GALNTL6: variants seen among roughly 807,000 people sequenced by gnomAD.
GALNTL6 encodes polypeptide N-acetylgalactosaminyltransferase-like 6.
Under a neutral mutation model 73.7 loss-of-function variants are expected in GALNTL6, and 46 were observed. That is an observed-to-expected ratio of 0.62 (90% CI 0.49 to 0.80). The LOEUF is 0.80. Ranked by LOEUF, GALNTL6 falls within the 30% of genes least tolerant of loss-of-function variation. GALNTL6 has a pLI of 0.00. For missense variants in GALNTL6, 604 were observed against 755.0 expected (o/e 0.80, Z 2.34); for synonymous variants, 259 against 263.7 (o/e 0.98, Z 0.17).
At chr4:172,236,491 C>CA (rs1243903428) in intron 3 of GALNTL6, among the ~76,000 whole-genome samples, 1 of 148,034 alleles carries the variant, frequency 6.8e-6, no homozygotes, top group African/African-American at 2.5e-5. Flanking sequence ...ACCCGGGAGG[C>CA]AGGGCTTGCA....
At chr4:172,686,147 C>T (rs1040545444) in intron 5 of GALNTL6, among the ~76,000 whole-genome samples, 12 of 152,148 alleles carry the variant, frequency 7.9e-5, no homozygotes, top group African/African-American at 2.4e-4. Context: ...GAATTCATCA[C>T]GCCTTGTGCT....
At position 171,890,956 on chromosome 4, in the gene GALNTL6, G is replaced by C. The variant is rs959872580; in HGVS notation, c.138+76238G>C. ...TACTGCTAAATAACTTCATGTTGTCGTCATTACAATAAAGGTCACATTCTG... is the reference window on the plus strand; with the variant it reads ...TACTGCTAAATAACTTCATGTTGTCCTCATTACAATAAAGGTCACATTCTG... On this transcript the variant is annotated intron_variant, in intron 2 of 12. Coordinates refer to ENST00000506823, the MANE Select transcript of GALNTL6 (RefSeq NM_001034845.3). 3.9e-5 allele frequency among the ~76,000 whole-genome samples: 6 copies of C among 152,102 alleles called. No homozygotes were observed. In the East Asian group the frequency reaches 1.2e-3, roughly 29 times the overall value.
intron 5 of GALNTL6, among the ~76,000 whole-genome samples, chr4:172,627,672 A>G (rs547996481): frequency 6.6e-6 from 1 of 151,838 alleles, no homozygotes; most frequent in Admixed American, 6.6e-5. Flanking sequence ...TATTTATTCA[A>G]TTTTGAAACT....
intron 3 of GALNTL6, among the ~76,000 whole-genome samples, chr4:172,241,104 G>T (rs1043049553): frequency 2.0e-5 from 3 of 152,200 alleles, no homozygotes; most frequent in Admixed American, 2.0e-4. Context: ...CAGGGTGTAA[G>T]TTAGCAAAAT....
intron 5 of GALNTL6, among the ~76,000 whole-genome samples, chr4:172,468,324 A>G (rs1477604995): frequency 2.0e-5 from 3 of 152,152 alleles, no homozygotes; most frequent in African/African-American, 7.2e-5. Flanking sequence ...TAATGCTAGG[A>G]TTTCTGAGTA....
chr4:172,488,587 C>G (rs1411985161), intron 5 of GALNTL6, among the ~76,000 whole-genome samples: 1 of 152,164 alleles, frequency 6.6e-6, no homozygotes, highest in African/African-American at 2.4e-5. Flanking sequence ...ACCCAAGAAA[C>G]TAGGAAGAAG....
intron 3 of GALNTL6, among the ~76,000 whole-genome samples, chr4:172,309,526 A>G (rs1055425705): frequency 1.3e-5 from 2 of 152,102 alleles, no homozygotes; most frequent in East Asian, 1.9e-4. Flanking sequence ...ACTCAAGCAC[A>G]TACACACACA....
chr4:172,731,577 T>G (rs1736153936), intron 5 of GALNTL6, among the ~76,000 whole-genome samples: 1 of 152,098 alleles, frequency 6.6e-6, no homozygotes, highest in Admixed American at 6.5e-5. Flanking sequence ...TATTTTTTCC[T>G]TCTAGTAATT....
intron 2 of GALNTL6, among the ~76,000 whole-genome samples, chr4:171,875,729 T>C (rs1736259702): frequency 6.6e-6 from 1 of 151,164 alleles, no homozygotes; most frequent in Non-Finnish European, 1.5e-5. Flanking sequence ...TTTTGGGTGT[T>C]GCTTTCTGCA....
At chr4:171,957,406 C>T (rs1420087326) in intron 2 of GALNTL6, among the ~76,000 whole-genome samples, 2 of 152,260 alleles carry the variant, frequency 1.3e-5, no homozygotes, top group South Asian at 2.1e-4. Context: ...GGAAACATTA[C>T]TCACTTTGGT....
chr4:171,893,621 G>A (rs1385886522), intron 2 of GALNTL6, among the ~76,000 whole-genome samples: 1 of 152,108 alleles, frequency 6.6e-6, no homozygotes, highest in Non-Finnish European at 1.5e-5. Flanking sequence ...TATTAGACAT[G>A]CCACAGCTAG....
intron 5 of GALNTL6, among the ~76,000 whole-genome samples, chr4:172,552,568 T>C (rs1445856922): frequency 6.6e-6 from 1 of 152,054 alleles, no homozygotes; most frequent in Non-Finnish European, 1.5e-5. Flanking sequence ...GTTTTGCTTG[T>C]TTGTTTAATA....
chr4:172,861,319 A>ATG (rs10664817), intron 7 of GALNTL6, among the ~76,000 whole-genome samples: 29,432 of 145,520 alleles, frequency 0.2, 2,967 homozygotes, highest in Middle Eastern at 0.28. Flanking sequence ...TTTTGCTTAC[A>ATG]TGTGTGTGTG....
chr4:172,552,247 C>T (rs759680874), intron 5 of GALNTL6, among the ~76,000 whole-genome samples: 3 of 152,058 alleles, frequency 2.0e-5, no homozygotes, highest in Non-Finnish European at 4.4e-5. Context: ...ATCTTTCATG[C>T]ATTTTTAATG....
At chr4:172,309,924 A>C (rs2111141097) in intron 3 of GALNTL6, among the ~76,000 whole-genome samples, 1 of 152,202 alleles carries the variant, frequency 6.6e-6, no homozygotes, top group African/African-American at 2.4e-5. Flanking sequence ...ATTGTATAAA[A>C]CGCCACTGAG....
intron 2 of GALNTL6, among the ~76,000 whole-genome samples, chr4:172,010,544 T>C (rs1229502433): frequency 6.6e-6 from 1 of 152,002 alleles, no homozygotes; most frequent in Admixed American, 6.6e-5. Flanking sequence ...CCAACTGATA[T>C]ATAAAAGGAG....
intron 8 of GALNTL6, among the ~76,000 whole-genome samples, chr4:172,914,691 A>G (rs1034157272): frequency 2.0e-5 from 3 of 152,266 alleles, no homozygotes; most frequent in Non-Finnish European, 4.4e-5. Flanking sequence ...TTCAACAAGA[A>G]GAGCTAACTA....
chr4:172,600,524 A>C (rs531171054), intron 5 of GALNTL6, among the ~76,000 whole-genome samples: 2 of 148,690 alleles, frequency 1.3e-5, no homozygotes, highest in African/African-American at 2.5e-5. Context: ...ATACAGAGAA[A>C]AATCTCCAAA....
chr4:172,428,913 A>T (rs1324718273), intron 5 of GALNTL6, among the ~76,000 whole-genome samples: 1 of 152,120 alleles, frequency 6.6e-6, no homozygotes, highest in Non-Finnish European at 1.5e-5. Flanking sequence ...AATGCCATAA[A>T]ATGGATGGCT....
Sources: gnomAD v4.1 joint callset for allele counts (sites outside exome capture counted in the v4.1 genomes callset) on GRCh38, gnomAD v4.1.1 for gene constraint, MANE v1.5 for transcripts, NCBI Gene and HGNC (gene_info 2026-07-23, HGNC 2026-07-21) for gene names.